The following SLC15A1 variants were observed in gnomAD, a reference collection of about 807,000 sequenced individuals.
SLC15A1 encodes solute carrier family 15 member 1, also known as Caco-2 oligopeptide transporter.
Under a neutral mutation model 92.9 loss-of-function variants are expected in SLC15A1, and 83 were observed. That is an observed-to-expected ratio of 0.89 (90% CI 0.75 to 1.07). The LOEUF (loss-of-function observed/expected upper bound fraction) is 1.07. Among genes scored for constraint, SLC15A1 ranks in the 50% least tolerant of loss-of-function variants. The pLI, the probability that SLC15A1 is intolerant of heterozygous loss-of-function variation, is 0.00. For missense variants in SLC15A1, 857 were observed against 880.1 expected, an observed-to-expected ratio of 0.97 and a Z score of 0.33; for synonymous variants, 322 against 318.2, an observed-to-expected ratio of 1.01 and a Z score of -0.13.
intron 1 of SLC15A1, 145 bp from the exon 2 acceptor site, chr13:98,727,004 A>C: frequency 1.4e-6 from 1 of 726,310 alleles, no homozygotes; most frequent in Non-Finnish European, 2.4e-6. Context: ...TCCCGGCCCC[A>C]GACTCATGCT....
intron 1 of SLC15A1, among the ~76,000 whole-genome samples, chr13:98,732,828 C>T (rs185635279): frequency 1.9e-3 from 290 of 152,178 alleles, no homozygotes; most frequent in African/African-American, 6.6e-3. Flanking sequence ...GCTTTGAGGA[C>T]GTGTTTCTGA....
intron 8 of SLC15A1, among the ~76,000 whole-genome samples, chr13:98,716,425 C>A (rs2088211620): frequency 6.6e-6 from 1 of 152,094 alleles, no homozygotes; most frequent in African/African-American, 2.4e-5. Flanking sequence ...AGTTTGAGAC[C>A]AGCCTGACCA....
intron 16 of SLC15A1, among the ~76,000 whole-genome samples, chr13:98,704,805 GC>G (rs1227426460): frequency 3.9e-5 from 6 of 152,170 alleles, no homozygotes; most frequent in Non-Finnish European, 8.8e-5. Context: ...TAGGAATCGG[GC>G]TTTTTGTTTT....
chr13:98,750,080 C>T (rs1257880026), intron 1 of SLC15A1, among the ~76,000 whole-genome samples: 3 of 152,068 alleles, frequency 2.0e-5, no homozygotes, highest in Non-Finnish European at 1.5e-5. Flanking sequence ...AGACACTCAG[C>T]CAGGTTTGGC....
At position 98,740,476 on chromosome 13, in the gene SLC15A1, A is replaced by G. The variant is rs138667223; in HGVS notation, c.4+12119T>C. Reference sequence around the variant, plus strand: ...CTGTGGCTCCATCCTCCTCCACCCCAGCTGTCCATCCACATGACTCGTTTT... The same window carrying G: ...CTGTGGCTCCATCCTCCTCCACCCCGGCTGTCCATCCACATGACTCGTTTT... On this transcript the variant is annotated intron_variant, in intron 1 of 22. Coordinates refer to ENST00000376503, the MANE Select transcript of SLC15A1 (RefSeq NM_005073.4). Among the ~76,000 whole-genome samples the G allele has an allele frequency of 1.7e-3, 252 of 152,198 alleles. 1 individual carries two copies. The Middle Eastern group carries it at 0.02, about 12-fold the overall frequency.
At chr13:98,690,810 G>A (rs1029391652) in intron 18 of SLC15A1, among the ~76,000 whole-genome samples, 1 of 152,046 alleles carries the variant, frequency 6.6e-6, no homozygotes, top group Non-Finnish European at 1.5e-5. Flanking sequence ...ACTGAATACT[G>A]GAGGCAACTG....
At chr13:98,708,461 T>C (rs1467427610) in intron 15 of SLC15A1, among the ~76,000 whole-genome samples, 6 of 152,176 alleles carry the variant, frequency 3.9e-5, no homozygotes, top group Non-Finnish European at 8.8e-5. Context: ...TTATAAAAAC[T>C]GTATTATAAA....
intron 5 of SLC15A1, 61 bp downstream of exon 5, chr13:98,723,851 T>G: frequency 6.2e-7 from 1 of 1,607,368 alleles, no homozygotes; most frequent in Non-Finnish European, 8.5e-7. Context: ...GACGAAGACT[T>G]AAGGCATCAA....
At chr13:98,732,790 TG>T (rs1186380027) in intron 1 of SLC15A1, among the ~76,000 whole-genome samples, 1 of 152,124 alleles carries the variant, frequency 6.6e-6, no homozygotes, top group Non-Finnish European at 1.5e-5. Flanking sequence ...AGAGTGAAAC[TG>T]AAGGAATACT....
chr13:98,743,095 G>A (rs916413579), intron 1 of SLC15A1, among the ~76,000 whole-genome samples: 5 of 152,174 alleles, frequency 3.3e-5, no homozygotes, highest in Non-Finnish European at 5.9e-5. Context: ...TTTTTGTGAG[G>A]ACACTGCTCA....
At position 98,711,351 on chromosome 13, in the gene SLC15A1, C is replaced by T. The variant is rs577144656; in HGVS notation, c.900+503G>A. 2.0e-5 allele frequency among the ~76,000 whole-genome samples: 3 copies of T among 152,266 alleles called. No individual in the cohort carries two copies. In the South Asian group the frequency reaches 6.2e-4, roughly 32 times the overall value. On this transcript the variant is annotated intron_variant, in intron 11 of 22. Transcript: ENST00000376503. ...GTCTTAGGGCTGTGGTAGAAAGAGA[C>T]AACAGGTCACCTGCCAGGTTGTAGG...
chr13:98,741,381 G>A (rs1326364652), intron 1 of SLC15A1, among the ~76,000 whole-genome samples: 1 of 152,196 alleles, frequency 6.6e-6, no homozygotes, highest in Admixed American at 6.5e-5. Flanking sequence ...GGGAGGCCAA[G>A]GCGGAGGGAT....
At chr13:98,750,774 C>T (rs1277675915) in intron 1 of SLC15A1, among the ~76,000 whole-genome samples, 2 of 147,796 alleles carry the variant, frequency 1.4e-5, no homozygotes, top group Non-Finnish European at 3.0e-5. Flanking sequence ...TTTTTTGAGA[C>T]GGAGTCTTAC....
intron 18 of SLC15A1, among the ~76,000 whole-genome samples, chr13:98,690,965 T>G: frequency 6.6e-6 from 1 of 152,214 alleles, no homozygotes; most frequent in Non-Finnish European, 1.5e-5. Context: ...TCTATGCAGG[T>G]CTCTGTGACC....
chr13:98,696,805 T>C (rs1046801111), intron 18 of SLC15A1, among the ~76,000 whole-genome samples: 1 of 152,162 alleles, frequency 6.6e-6, no homozygotes, highest in African/African-American at 2.4e-5. Context: ...AGAGAGGGAC[T>C]GTATTTGGAG....
At chr13:98,695,484 C>A (rs1352111115) in intron 18 of SLC15A1, among the ~76,000 whole-genome samples, 1 of 152,102 alleles carries the variant, frequency 6.6e-6, no homozygotes, top group Non-Finnish European at 1.5e-5. Context: ...CCTCCGTGCC[C>A]CAGGTTCAAG....
intron 5 of SLC15A1, 47 bp downstream of exon 5, chr13:98,723,865 C>T (rs369555093): frequency 6.8e-6 from 11 of 1,609,786 alleles, no homozygotes; most frequent in African/African-American, 2.7e-5. Flanking sequence ...GCATCAAATG[C>T]GCACAAGGTG....
In SLC15A1 at chr13:98,723,943, C is replaced by A; in HGVS notation, c.334G>T (p.Asp112Tyr). ...ACAGGAAGGCTGTCGGGGGTGCCATCATGGTTGTGGTCTGTGAGGTCATTA... is the reference window on the plus strand; with the variant it reads ...ACAGGAAGGCTGTCGGGGGTGCCATAATGGTTGTGGTCTGTGAGGTCATTA... ...SINDLTDHNH[D>Y]GTPDSLPVHV... The change falls in exon 5 of 23, where the codon GAT becomes TAT. Residue 112 changes from aspartate (D) to tyrosine (Y), a missense_variant. Transcript: ENST00000376503. 1 of 1,614,168 alleles carries A rather than the reference C, an allele frequency of 6.2e-7. No homozygotes were observed. Among genetic ancestry groups the A allele is most frequent in the Non-Finnish European group, 8.5e-7 (1 of 1,180,020 alleles).
intron 18 of SLC15A1, among the ~76,000 whole-genome samples, chr13:98,699,350 C>T (rs1207029116): frequency 1.3e-5 from 2 of 152,132 alleles, no homozygotes; most frequent in Non-Finnish European, 2.9e-5. Context: ...GAACTCCAGC[C>T]CAGGGTGGGA....
Sources: gnomAD v4.1 joint callset for allele counts (sites outside exome capture counted in the v4.1 genomes callset) on GRCh38, gnomAD v4.1.1 for gene constraint, MANE v1.5 for transcripts, NCBI Gene and HGNC (gene_info 2026-07-23, HGNC 2026-07-21) for gene names.